The following C2orf42 variants were observed in gnomAD, a reference collection of about 807,000 sequenced individuals.
C2orf42 encodes the protein uncharacterized protein C2orf42.
C2orf42 carries 44 observed loss-of-function variants against 58.9 expected under a neutral mutation model. The ratio of observed to expected loss-of-function variants is 0.75; its 90% CI spans 0.59 to 0.96. The LOEUF (loss-of-function observed/expected upper bound fraction) is 0.96, where lower values mean the gene tolerates loss of function less well. Among genes scored for constraint, C2orf42 ranks in the 40% least tolerant of loss-of-function variants. The probability of loss-of-function intolerance (pLI) is 0.00; values close to 1 mark genes in which losing one functional copy is unlikely to be tolerated. For missense variants in C2orf42, 630 were observed against 699.2 expected, an observed-to-expected ratio of 0.90 and a Z score of 1.12; for synonymous variants, 239 against 265.4, an observed-to-expected ratio of 0.90 and a Z score of 0.97.
intron 5 of C2orf42, among the ~76,000 whole-genome samples, chr2:70,171,704 G>A (rs988053370): frequency 2.6e-5 from 4 of 151,762 alleles, no homozygotes; most frequent in Admixed American, 1.3e-4. Context: ...TACAGATGGG[G>A]TTTTGACATC....
At chr2:70,157,211 T>C (rs1227764716) in intron 9 of C2orf42, among the ~76,000 whole-genome samples, 2 of 151,952 alleles carry the variant, frequency 1.3e-5, no homozygotes, top group African/African-American at 2.4e-5. Flanking sequence ...TCCCAGCACT[T>C]TGGGCGGCCG....
At chr2:70,177,115 T>C (rs1377611637) in intron 4 of C2orf42, among the ~76,000 whole-genome samples, 1 of 151,628 alleles carries the variant, frequency 6.6e-6, no homozygotes, top group African/African-American at 2.4e-5. Flanking sequence ...CTACTAAAAA[T>C]ACAAAAATTA....
chr2:70,154,414 T>TAAAAAAAAAAAAAAA (rs36028499), intron 9 of C2orf42, among the ~76,000 whole-genome samples: 4 of 25,600 alleles, frequency 1.6e-4, no homozygotes, highest in African/African-American at 5.9e-4. Flanking sequence ...AAATTTTTAC[T>TAAAAAAAAAAAAAAA]AAAAAAAAAA....
chr2:70,179,572 A>C lies in C2orf42; in HGVS notation c.894T>G (p.Thr298=). 6.4e-7 allele frequency: 1 copy of C among 1,567,838 alleles called. No homozygotes were observed. The highest frequency in any genetic ancestry group is 2.2e-5 in the East Asian group (1 of 44,652). ...TTCTCCTCTTCTTTGACTTAGAGGC[A>C]GTAGACTCACAAGCAGATACTGTTG... ...SESTVSACES[T]ASKSKKRRKD... Residue 298 remains threonine (T), a synonymous_variant, in exon 4 of 10, where the codon ACT becomes ACG. Transcript: ENST00000264434.
At chr2:70,150,947 G>A (rs1672271393) in intron 9 of C2orf42, among the ~76,000 whole-genome samples, 4 of 152,236 alleles carry the variant, frequency 2.6e-5, no homozygotes, top group African/African-American at 7.2e-5. Context: ...GGGTTTCATC[G>A]TGTTAGCCAG....
intron 9 of C2orf42, among the ~76,000 whole-genome samples, chr2:70,154,379 A>G (rs1221986601): frequency 6.7e-6 from 1 of 148,538 alleles, no homozygotes; most frequent in African/African-American, 2.5e-5. Context: ...CCTGGGCAAC[A>G]TAGTAAGACC....
At chr2:70,150,839 G>A (rs185706995) in intron 9 of C2orf42, among the ~76,000 whole-genome samples, 7 of 152,264 alleles carry the variant, frequency 4.6e-5, no homozygotes, top group Non-Finnish European at 8.8e-5. Context: ...TTTGCCTCCC[G>A]GGTTCAAGCG....
At position 70,165,202 on chromosome 2, in the gene C2orf42, G is replaced by T; in HGVS notation, c.1253-10C>A. Reference sequence around the variant, plus strand: ...TCTTTCCGAACAAAAGCTTCAACGTGAAAAAAGGACAAAATTAGATTACCA... The same window carrying T: ...TCTTTCCGAACAAAAGCTTCAACGTTAAAAAAGGACAAAATTAGATTACCA... On this transcript the variant is annotated splice_polypyrimidine_tract_variant and intron_variant, in intron 7 of 9. Coordinates refer to ENST00000264434, the MANE Select transcript of C2orf42 (RefSeq NM_017880.3). 1 of 1,525,880 alleles carries T rather than the reference G, an allele frequency of 6.6e-7. No homozygotes were observed. The highest frequency in any genetic ancestry group is 9.0e-7 in the Non-Finnish European group (1 of 1,109,596). The allele number at this position is 1,525,880 out of a possible 1,614,324, so 94.5% of individuals were successfully genotyped here. A position where few individuals can be genotyped will look rare whatever the true frequency, so the allele number is the denominator to read the frequency against.
At chr2:70,184,282 AGTG>A (rs1674777349) in intron 1 of C2orf42, among the ~76,000 whole-genome samples, 1 of 152,046 alleles carries the variant, frequency 6.6e-6, no homozygotes, top group East Asian at 1.9e-4. Context: ...GATGGAGTGC[AGTG>A]ACGTGATCTC....
intron 9 of C2orf42, among the ~76,000 whole-genome samples, chr2:70,154,074 A>AAC (rs1187473367): frequency 1.3e-4 from 19 of 149,204 alleles, no homozygotes; most frequent in African/African-American, 2.2e-4. Flanking sequence ...CAAACAAACA[A>AAC]AAAAAAAAAC....
chr2:70,183,729 TAAA>T (rs61040354), intron 1 of C2orf42, among the ~76,000 whole-genome samples: 1 of 141,856 alleles, frequency 7.0e-6, no homozygotes, highest in Admixed American at 7.1e-5. Flanking sequence ...CCCATCTCTT[TAAA>T]AAAAAAAAAA....
intron 9 of C2orf42, among the ~76,000 whole-genome samples, chr2:70,156,940 G>C (rs1672713763): frequency 6.6e-6 from 1 of 151,844 alleles, no homozygotes; most frequent in African/African-American, 2.4e-5. Context: ...TTGTAATACT[G>C]GACAAAGAAT....
At chr2:70,166,465 AG>A (rs1673412019) in intron 6 of C2orf42, among the ~76,000 whole-genome samples, 1 of 148,530 alleles carries the variant, frequency 6.7e-6, no homozygotes, top group African/African-American at 2.5e-5. Flanking sequence ...CAGGAGTTCG[AG>A]ACCAGCTTGG....
intron 1 of C2orf42, among the ~76,000 whole-genome samples, chr2:70,183,859 G>A (rs1674748202): frequency 6.6e-6 from 1 of 152,100 alleles, no homozygotes; most frequent in African/African-American, 2.4e-5. Flanking sequence ...AGGCTGGAGT[G>A]CAGTGGTGTG....
At chr2:70,168,549 A>G (rs1299560219) in intron 6 of C2orf42, among the ~76,000 whole-genome samples, 4 of 150,692 alleles carry the variant, frequency 2.7e-5, no homozygotes, top group African/African-American at 9.8e-5. Flanking sequence ...CAGCCTCCCA[A>G]AGTGCTGGGA....
intron 3 of C2orf42, among the ~76,000 whole-genome samples, chr2:70,179,956 C>CA (rs1042683457): frequency 3.3e-5 from 5 of 151,118 alleles, no homozygotes; most frequent in Non-Finnish European, 7.4e-5. Context: ...AAACCAAAAA[C>CA]AAAAACAAAA....
In C2orf42 at chr2:70,172,669, G is replaced by A. The variant is rs891541574; in HGVS notation, c.1039+3004C>T. 2.6e-5 allele frequency among the ~76,000 whole-genome samples: 4 copies of A among 151,900 alleles called. No homozygotes were observed. The South Asian group carries it at 8.3e-4, about 32-fold the overall frequency. ...GCCTGAGTGACAGAGCAAGACCTGT[G>A]TCAAAGAAAAACACAACAAAAAAAT... On this transcript the variant is annotated intron_variant, in intron 5 of 9. Coordinates refer to ENST00000264434, the MANE Select transcript of C2orf42 (RefSeq NM_017880.3).
intron 6 of C2orf42, among the ~76,000 whole-genome samples, chr2:70,169,300 C>T (rs1673634812): frequency 6.6e-6 from 1 of 151,772 alleles, no homozygotes; most frequent in African/African-American, 2.4e-5. Context: ...CGAACTTATG[C>T]AAGCAATAAG....
intron 1 of C2orf42, among the ~76,000 whole-genome samples, chr2:70,184,152 A>G (rs1230350092): frequency 6.6e-6 from 1 of 152,108 alleles, no homozygotes; most frequent in Non-Finnish European, 1.5e-5. Context: ...TCATAGCACC[A>G]ATGAAAAGGT....
Sources: allele counts gnomAD v4.1 joint callset (sites outside exome capture counted in the v4.1 genomes callset), GRCh38; gene constraint gnomAD v4.1.1; transcripts MANE v1.5; gene names NCBI Gene and HGNC (gene_info 2026-07-23, HGNC 2026-07-21).